Variants in TTC28 observed in about 807,000 individuals in gnomAD.
The protein encoded by TTC28 is tetratricopeptide repeat domain 28, also known as tetratricopeptide repeat protein 28.
Under a neutral mutation model 198.0 loss-of-function variants are expected in TTC28, and 61 were observed. The observed-to-expected ratio is 0.31, with a 90% CI of 0.25 to 0.38. The LOEUF is 0.38. Among genes scored for constraint, TTC28 ranks in the 10% least tolerant of loss-of-function variants. The pLI is 1.00. For missense variants in TTC28, 2,678 were observed against 3,164.0 expected (o/e 0.85, Z 3.69); for synonymous variants, 1,171 against 1,297.8 (o/e 0.90, Z 2.10).
chr22:28,108,011 G>A lies in TTC28; in HGVS notation c.1834C>T (p.Gln612Ter). ...TACTGTTCATAATAGGGGGCAGCCT[G>A]GACATACTCTCCCCGAGAGCAGTGG... ...NFHCSRGEYV[Q>*]AAPYYEQYLR... Residue 612 changes from glutamine to a stop codon, truncating the protein, a stop_gained, in exon 7 of 23, where the codon CAG (glutamine) becomes TAG (stop). Coordinates refer to ENST00000397906, the MANE Select transcript of TTC28 (RefSeq NM_001145418.2). LOFTEE classifies it high-confidence loss of function. 6.4e-7 allele frequency: 1 copy of A among 1,551,586 alleles called. No individual in the cohort carries two copies. Among genetic ancestry groups the A allele is most frequent in the Non-Finnish European group, 8.7e-7 (1 of 1,146,984 alleles).
intron 1 of TTC28, among the ~76,000 whole-genome samples, chr22:28,655,516 A>G (rs1364635326): frequency 6.6e-6 from 1 of 152,206 alleles, no homozygotes; most frequent in East Asian, 1.9e-4. Flanking sequence ...GTTGTCCCTA[A>G]GATGTTACTT....
intron 2 of TTC28, among the ~76,000 whole-genome samples, chr22:28,602,847 AAACT>A (rs1753163901): frequency 6.6e-6 from 1 of 152,226 alleles, no homozygotes; most frequent in African/African-American, 2.4e-5. Context: ...AAAATTAACT[AAACT>A]AATAAATACA....
At chr22:28,229,440 C>T (rs1182979481) in intron 5 of TTC28, among the ~76,000 whole-genome samples, 1 of 152,146 alleles carries the variant, frequency 6.6e-6, no homozygotes, top group African/African-American at 2.4e-5. Flanking sequence ...AAGCTGACTC[C>T]AAAACTATTC....
At chr22:28,272,574 T>A (rs1932161907) in intron 5 of TTC28, among the ~76,000 whole-genome samples, 1 of 152,210 alleles carries the variant, frequency 6.6e-6, no homozygotes, top group Non-Finnish European at 1.5e-5. Context: ...TTCATAAAAA[T>A]CACATAAGAA....
intron 13 of TTC28, chr22:28,029,078 C>T (rs1938966765): frequency 2.1e-6 from 1 of 471,074 alleles, no homozygotes; most frequent in African/African-American, 2.0e-5. Context: ...AACATGTGTC[C>T]AGGCCCAATC....
Position 27,993,530 on chromosome 22 carries a change from T to C in TTC28, c.5245-12A>G, listed in dbSNP as rs572551823. 125 of 1,534,436 alleles carry C rather than the reference T, an allele frequency of 8.1e-5. No homozygotes were observed. In the East Asian group the frequency reaches 2.8e-3, roughly 34 times the overall value. On this transcript the variant is annotated splice_polypyrimidine_tract_variant and intron_variant, in intron 17 of 22. Coordinates refer to ENST00000397906, the MANE Select transcript of TTC28 (RefSeq NM_001145418.2). Reference sequence around the variant, plus strand: ...AGGGATTTCTCCACCTGAGGGGGAATTGGGGGTGAGTCAGAGACCCAGGCC... The same window carrying C: ...AGGGATTTCTCCACCTGAGGGGGAACTGGGGGTGAGTCAGAGACCCAGGCC...
chr22:28,590,606 A>T (rs1315237474), intron 2 of TTC28, among the ~76,000 whole-genome samples: 1 of 152,100 alleles, frequency 6.6e-6, no homozygotes, highest in Non-Finnish European at 1.5e-5. Context: ...AAAACAAACA[A>T]ATGTAATATT....
At chr22:28,545,149 T>C (rs944248031) in intron 2 of TTC28, among the ~76,000 whole-genome samples, 1 of 152,296 alleles carries the variant, frequency 6.6e-6, no homozygotes, top group South Asian at 2.1e-4. Flanking sequence ...TTAGTAATAG[T>C]GAATTTTCTC....
chr22:28,132,142 A>C (rs1890190067), intron 6 of TTC28, among the ~76,000 whole-genome samples: 1 of 152,222 alleles, frequency 6.6e-6, no homozygotes, highest in Non-Finnish European at 1.5e-5. Context: ...AGAAGATACA[A>C]GACAATGAAC....
chr22:28,485,830 G>C (rs1445645593), intron 2 of TTC28, among the ~76,000 whole-genome samples: 2 of 151,970 alleles, frequency 1.3e-5, no homozygotes, highest in African/African-American at 2.4e-5. Flanking sequence ...CTGCATTTCT[G>C]GTTATAATTG....
chr22:28,347,270 GGA>G (rs2045918315), intron 2 of TTC28, among the ~76,000 whole-genome samples: 1 of 130,278 alleles, frequency 7.7e-6, no homozygotes, highest in African/African-American at 2.7e-5. Context: ...TCTCAAAAGA[GGA>G]AAAAAAAAAA....
At chr22:28,116,859 A>G (rs1302481846) in intron 6 of TTC28, among the ~76,000 whole-genome samples, 1 of 152,168 alleles carries the variant, frequency 6.6e-6, no homozygotes, top group East Asian at 1.9e-4. Context: ...GGCCCAATCC[A>G]GTCTTCCTAT....
At chr22:28,191,980 C>T (rs1197107697) in intron 5 of TTC28, among the ~76,000 whole-genome samples, 4 of 152,318 alleles carry the variant, frequency 2.6e-5, no homozygotes, top group African/African-American at 9.6e-5. Context: ...TGAGAACGGA[C>T]AGACTGCCTC....
intron 2 of TTC28, among the ~76,000 whole-genome samples, chr22:28,456,683 C>A (rs1568955513): frequency 6.6e-6 from 1 of 152,168 alleles, no homozygotes; most frequent in Non-Finnish European, 1.5e-5. Flanking sequence ...TCAAGCGATT[C>A]TCCTGCCTCA....
intron 2 of TTC28, among the ~76,000 whole-genome samples, chr22:28,423,307 T>C (rs1198924411): frequency 6.6e-6 from 1 of 152,112 alleles, no homozygotes; most frequent in Non-Finnish European, 1.5e-5. Flanking sequence ...GGAGGATTGC[T>C]TGAACCCAGG....
chr22:28,542,327 A>G (rs1486585500), intron 2 of TTC28, among the ~76,000 whole-genome samples: 1 of 152,186 alleles, frequency 6.6e-6, no homozygotes, highest in Non-Finnish European at 1.5e-5. Flanking sequence ...AATATCAAGC[A>G]GTCTACATAT....
intron 2 of TTC28, among the ~76,000 whole-genome samples, chr22:28,402,087 G>GT (rs1309410224): frequency 6.6e-6 from 1 of 152,208 alleles, no homozygotes. Context: ...ACATCTATCA[G>GT]TAAAGGCTGA....
In TTC28 at chr22:28,598,220, T is replaced by C. The variant is rs117138686; in HGVS notation, c.381+31332A>G. The stretch of plus-strand genomic sequence containing the variant: ...AACAAATATAAATGCAACTTAAAAG[T>C]AACAAGCAGGCCGGGCACAGTGGCT... On this transcript the variant is annotated intron_variant, in intron 2 of 22. Transcript: ENST00000397906. Among the ~76,000 whole-genome samples the C allele has an allele frequency of 2.6e-4, 39 of 150,892 alleles. 1 individual carries two copies. In the East Asian group the frequency reaches 5.7e-3, roughly 22 times the overall value.
chr22:28,066,312 T>C (rs1448438056), intron 12 of TTC28, among the ~76,000 whole-genome samples: 1 of 151,708 alleles, frequency 6.6e-6, no homozygotes. Context: ...GTGGTGTGTG[T>C]GTGTGTGTGT....
Sources: allele counts gnomAD v4.1 joint callset (sites outside exome capture counted in the v4.1 genomes callset), GRCh38; gene constraint gnomAD v4.1.1; transcripts MANE v1.5; gene names NCBI Gene and HGNC (gene_info 2026-07-23, HGNC 2026-07-21).